The following PPP2R5E variants were observed in gnomAD, a reference collection of about 807,000 sequenced individuals.
PPP2R5E encodes the protein serine/threonine-protein phosphatase 2A 56 kDa regulatory subunit epsilon isoform.
Under a neutral mutation model 65.3 loss-of-function variants are expected in PPP2R5E, and 4 were observed. The ratio of observed to expected loss-of-function variants is 0.06; its 90% CI spans 0.03 to 0.14. The LOEUF is 0.14. Ranked by LOEUF, PPP2R5E falls within the 10% of genes least tolerant of loss-of-function variation. PPP2R5E has a pLI of 1.00. For missense variants in PPP2R5E, 274 were observed against 556.1 expected, an observed-to-expected ratio of 0.49 and a Z score of 5.10; for synonymous variants, 183 against 187.4, an observed-to-expected ratio of 0.98 and a Z score of 0.19.
chr14:63,405,630 T>C (rs994234277), intron 5 of PPP2R5E, among the ~76,000 whole-genome samples: 1 of 152,234 alleles, frequency 6.6e-6, no homozygotes, highest in African/African-American at 2.4e-5. Context: ...TGCAGAGTAG[T>C]TGAAAGTAAT....
intron 3 of PPP2R5E, among the ~76,000 whole-genome samples, chr14:63,438,000 G>A (rs1888028062): frequency 6.6e-6 from 1 of 152,106 alleles, no homozygotes; most frequent in Non-Finnish European, 1.5e-5. Flanking sequence ...CTATAGTCTA[G>A]TGTCTTTGCA....
At chr14:63,437,483 A>C (rs1188732527) in intron 3 of PPP2R5E, among the ~76,000 whole-genome samples, 1 of 152,208 alleles carries the variant, frequency 6.6e-6, no homozygotes, top group Non-Finnish European at 1.5e-5. Flanking sequence ...ATAGGATATA[A>C]CACATTTTGC....
At chr14:63,427,310 TATC>T (rs1410995953) in intron 3 of PPP2R5E, among the ~76,000 whole-genome samples, 1 of 152,160 alleles carries the variant, frequency 6.6e-6, no homozygotes, top group African/African-American at 2.4e-5. Context: ...AAAAGTGGAC[TATC>T]AAAAATGAAC....
chr14:63,460,616 G>A (rs1047244941), intron 2 of PPP2R5E, among the ~76,000 whole-genome samples: 2 of 152,092 alleles, frequency 1.3e-5, no homozygotes, highest in African/African-American at 4.8e-5. Context: ...TAGGCAGGTA[G>A]GTTTAAGTTT....
At chr14:63,397,787 G>A (rs574250688) in intron 5 of PPP2R5E, among the ~76,000 whole-genome samples, 9 of 149,678 alleles carry the variant, frequency 6.0e-5, no homozygotes, top group East Asian at 2.0e-4. Context: ...GCAGTGGCAC[G>A]ATCTCAGCTC....
chr14:63,504,454 C>T lies in PPP2R5E; in HGVS notation c.157+35075G>A, dbSNP rs542907433. On this transcript the variant is annotated intron_variant, in intron 2 of 13. Transcript: ENST00000337537. Reference sequence around the variant, plus strand: ...AATATTAGCCAGGCGTGGTGGCTCACGCCTATAGTCCCAGCTACTTGGGAG... The same window carrying T: ...AATATTAGCCAGGCGTGGTGGCTCATGCCTATAGTCCCAGCTACTTGGGAG... 5.9e-5 allele frequency among the ~76,000 whole-genome samples: 9 copies of T among 152,088 alleles called. No homozygotes were observed. The South Asian group carries it at 1.0e-3, about 18-fold the overall frequency.
At chr14:63,469,825 TC>T (rs1180608653) in intron 2 of PPP2R5E, among the ~76,000 whole-genome samples, 2 of 152,166 alleles carry the variant, frequency 1.3e-5, no homozygotes, top group Non-Finnish European at 2.9e-5. Context: ...CTTACAAAAT[TC>T]CTGCCTAATA....
intron 1 of PPP2R5E, among the ~76,000 whole-genome samples, chr14:63,541,640 A>T (rs1893908978): frequency 2.0e-5 from 3 of 152,228 alleles, no homozygotes; most frequent in African/African-American, 7.2e-5. Flanking sequence ...TCCAATAGAC[A>T]AGACAAGTGG....
At chr14:63,433,209 TA>T (rs1280694200) in intron 3 of PPP2R5E, among the ~76,000 whole-genome samples, 3 of 151,982 alleles carry the variant, frequency 2.0e-5, no homozygotes, top group Non-Finnish European at 4.4e-5. Context: ...TGCTAATTTT[TA>T]TATTTTTAGT....
At chr14:63,492,358 A>G (rs1347755094) in intron 2 of PPP2R5E, among the ~76,000 whole-genome samples, 3 of 152,110 alleles carry the variant, frequency 2.0e-5, no homozygotes, top group African/African-American at 4.8e-5. Flanking sequence ...GGACTCAAAA[A>G]TTCCTGTTTC....
At chr14:63,420,600 G>A (rs1479501322) in intron 4 of PPP2R5E, among the ~76,000 whole-genome samples, 1 of 152,266 alleles carries the variant, frequency 6.6e-6, no homozygotes, top group East Asian at 1.9e-4. Flanking sequence ...ACGTAACAAC[G>A]GGAAATAGCA....
chr14:63,538,416 G>A lies in PPP2R5E; in HGVS notation c.157+1113C>T, dbSNP rs559637201. Among the ~76,000 whole-genome samples the A allele has an allele frequency of 1.1e-4, 17 of 151,660 alleles. No individual in the cohort carries two copies. The South Asian group carries it at 2.3e-3, about 20-fold the overall frequency. ...CTGGGATTACAGGTGCCACCACCGCGCCTAATTTTTGTATTTTTAGAAGAG... is the reference window on the plus strand; with the variant it reads ...CTGGGATTACAGGTGCCACCACCGCACCTAATTTTTGTATTTTTAGAAGAG... On this transcript the variant is annotated intron_variant, in intron 2 of 13. Coordinates refer to ENST00000337537, the MANE Select transcript of PPP2R5E (RefSeq NM_006246.5).
intron 2 of PPP2R5E, among the ~76,000 whole-genome samples, chr14:63,484,343 TCTCTCACA>T (rs1246446872): frequency 4.5e-5 from 6 of 133,272 alleles, no homozygotes; most frequent in African/African-American, 1.8e-4. Flanking sequence ...TTTCTCTCTC[TCTCTCACA>T]CACACACACA....
chr14:63,519,676 T>G (rs549111666), intron 2 of PPP2R5E, among the ~76,000 whole-genome samples: 4 of 150,706 alleles, frequency 2.7e-5, no homozygotes, highest in Non-Finnish European at 4.4e-5. Context: ...CTCTTTTTTT[T>G]TTTTTGAGAC....
At position 63,489,781 on chromosome 14, in the gene PPP2R5E, G is replaced by C. The variant is rs551373709; in HGVS notation, c.158-35896C>G. Among the ~76,000 whole-genome samples, 14 of 147,970 alleles carry C rather than the reference G, an allele frequency of 9.5e-5. 1 individual carries two copies. Among genetic ancestry groups the C allele is most frequent in the African/African-American group, 3.5e-4 (14 of 40,506 alleles). On this transcript the variant is annotated intron_variant, in intron 2 of 13. Transcript: ENST00000337537. ...CAAGATTTAGAACGTTTCTATCATG[G>C]TATGTCAGAATTCAAGTACAAGTCA...
At chr14:63,466,569 A>C (rs1272134671) in intron 2 of PPP2R5E, among the ~76,000 whole-genome samples, 1 of 152,250 alleles carries the variant, frequency 6.6e-6, no homozygotes, top group Non-Finnish European at 1.5e-5. Context: ...ATACTACTTA[A>C]TTAATATAGT....
chr14:63,415,374 C>T, intron 4 of PPP2R5E, 142 bp from the exon 5 acceptor site: 1 of 493,916 alleles, frequency 2.0e-6, no homozygotes. Context: ...GCCAGCCTTT[C>T]TTGTGGCTCA....
intron 13 of PPP2R5E, among the ~76,000 whole-genome samples, chr14:63,377,516 G>A (rs1404988595): frequency 6.6e-6 from 1 of 152,146 alleles, no homozygotes; most frequent in African/African-American, 2.4e-5. Context: ...GAGACTTGAG[G>A]AAATGTTGAA....
At chr14:63,396,329 G>A (rs1885391530) in intron 6 of PPP2R5E, among the ~76,000 whole-genome samples, 1 of 112,602 alleles carries the variant, frequency 8.9e-6, no homozygotes, top group Non-Finnish European at 1.8e-5. Context: ...AGAGGAAGAG[G>A]AAAAGAGGAG....
Sources: allele counts gnomAD v4.1 joint callset (sites outside exome capture counted in the v4.1 genomes callset), GRCh38; gene constraint gnomAD v4.1.1; transcripts MANE v1.5; gene names NCBI Gene and HGNC (gene_info 2026-07-23, HGNC 2026-07-21).